UBXN4: variants seen among roughly 807,000 people sequenced by gnomAD.
UBXN4 encodes the protein UBX domain protein 4, also known as UBX domain-containing protein 4.
Under a neutral mutation model 66.2 loss-of-function variants are expected in UBXN4, and 35 were observed. That is an observed-to-expected ratio of 0.53 (90% CI 0.40 to 0.70). The LOEUF is 0.70. UBXN4 is among the 30% of genes least tolerant of loss of function. The pLI, the probability that UBXN4 is intolerant of heterozygous loss-of-function variation, is 0.00. For missense variants in UBXN4, 533 were observed against 599.8 expected (o/e 0.89, Z 1.16); for synonymous variants, 203 against 204.5 (o/e 0.99, Z 0.06).
intron 10 of UBXN4, among the ~76,000 whole-genome samples, chr2:135,778,219 C>T (rs2077430081): frequency 6.6e-6 from 1 of 150,638 alleles, no homozygotes; most frequent in Non-Finnish European, 1.5e-5. Flanking sequence ...AAAAATTCCA[C>T]CTCAGTACAG....
In UBXN4 at chr2:135,753,582, A is replaced by G. The variant is rs368138941; in HGVS notation, c.214+15A>G. 1.5e-5 allele frequency: 23 copies of G among 1,528,098 alleles called. No individual in the cohort carries two copies. Among genetic ancestry groups the G allele is most frequent in the Non-Finnish European group, 2.0e-5 (23 of 1,147,596 alleles). The allele number at this position is 1,528,098 out of a possible 1,614,324, so 94.7% of individuals were successfully genotyped here. A position where few individuals can be genotyped will look rare whatever the true frequency, so the allele number is the denominator to read the frequency against. On this transcript the variant is annotated intron_variant, in intron 3 of 12. Coordinates refer to ENST00000272638, the MANE Select transcript of UBXN4 (RefSeq NM_014607.4). Reference sequence around the variant, plus strand: ...TTCACAAATCTGTATCCTTTCAGTAAAGAATGGCTTATATATATACATTTA... The same window carrying G: ...TTCACAAATCTGTATCCTTTCAGTAGAGAATGGCTTATATATATACATTTA...
intron 6 of UBXN4, among the ~76,000 whole-genome samples, chr2:135,765,525 A>G (rs533937009): frequency 2.0e-5 from 3 of 152,212 alleles, no homozygotes; most frequent in Admixed American, 1.3e-4. Context: ...CATTATGTTT[A>G]AAATGGGCAG....
chr2:135,748,962 G>A (rs1282594859), intron 2 of UBXN4, among the ~76,000 whole-genome samples: 4 of 151,986 alleles, frequency 2.6e-5, no homozygotes, highest in African/African-American at 9.7e-5. Flanking sequence ...CTTGAGCCCA[G>A]GAGGTTGAAG....
At chr2:135,750,514 T>A (rs905762014) in intron 2 of UBXN4, among the ~76,000 whole-genome samples, 1 of 151,728 alleles carries the variant, frequency 6.6e-6, no homozygotes. Flanking sequence ...TCAAAAAAAA[T>A]AAAAATAAAA....
At chr2:135,747,157 C>G (rs1417944513) in intron 1 of UBXN4, among the ~76,000 whole-genome samples, 5 of 149,852 alleles carry the variant, frequency 3.3e-5, no homozygotes, top group African/African-American at 1.2e-4. Context: ...ATTGTCCTGG[C>G]CAACATAGTG....
chr2:135,743,963 G>A (rs192505976), intron 1 of UBXN4, among the ~76,000 whole-genome samples: 1 of 152,270 alleles, frequency 6.6e-6, no homozygotes, highest in East Asian at 1.9e-4. Flanking sequence ...AAGACTGTTA[G>A]CAATCTCACA....
intron 12 of UBXN4, 34 bp from the exon 13 acceptor site, chr2:135,782,715 A>T (rs1272522333): frequency 1.2e-6 from 2 of 1,600,652 alleles, no homozygotes; most frequent in Admixed American, 3.6e-5. Context: ...TTATTTTATG[A>T]CATCTTCCCC....
rs1359146760 is a variant in UBXN4 at position 135,779,128 on chromosome 2, A to G, written c.1185+49A>G. The G allele has an allele frequency of 5.9e-6, 9 of 1,521,456 alleles. No individual in the cohort carries two copies. The African/African-American group carries it at 1.3e-4, about 21-fold the overall frequency. 94.2% of individuals were successfully genotyped at this position (1,521,456 alleles called of 1,614,324 possible). On this transcript the variant is annotated intron_variant, in intron 11 of 12. Coordinates refer to ENST00000272638, the MANE Select transcript of UBXN4 (RefSeq NM_014607.4). ...TTTCTCTTCTTATTGTTTTCTGTTTATCATACTCTTCATTTCTTATAATTA... is the reference window on the plus strand; with the variant it reads ...TTTCTCTTCTTATTGTTTTCTGTTTGTCATACTCTTCATTTCTTATAATTA...
At chr2:135,782,454 G>C (rs1393654189) in intron 12 of UBXN4, among the ~76,000 whole-genome samples, 1 of 152,182 alleles carries the variant, frequency 6.6e-6, no homozygotes, top group African/African-American at 2.4e-5. Flanking sequence ...AGATTAGTTG[G>C]CAAATGGTCA....
In UBXN4 at chr2:135,761,889, G is replaced by C. The variant is rs747540600; in HGVS notation, c.580G>C (p.Asp194His). ...SGCSDQRPAE[D>H]LNIRVERLTK... ...ATGCTCAGATCAGAGACCTGCAGAG[G>C]ACCTCAACATCCGAGTGGAAAGGTT... The change falls in exon 6 of 13, where the codon GAC becomes CAC. Residue 194 changes from aspartate (D) to histidine (H), a missense_variant. Physicochemically the swap from Asp to His is moderately conservative, Grantham distance 81. This residue lies in a region of UBXN4 where 529 missense variants were observed against 580.1 expected (regional missense o/e 0.91). Transcript: ENST00000272638. 6.2e-7 allele frequency: 1 copy of C among 1,613,414 alleles called. No homozygotes were observed. Among genetic ancestry groups the C allele is most frequent in the Non-Finnish European group, 8.5e-7 (1 of 1,179,800 alleles).
intron 11 of UBXN4, 34 bp downstream of exon 11, chr2:135,779,113 T>A: frequency 6.5e-7 from 1 of 1,544,602 alleles, no homozygotes; most frequent in Non-Finnish European, 8.7e-7. Context: ...TTTCTCTTCT[T>A]ATTGTTTTCT....
At chr2:135,757,545 C>G (rs917895200) in intron 5 of UBXN4, among the ~76,000 whole-genome samples, 1 of 152,164 alleles carries the variant, frequency 6.6e-6, no homozygotes, top group African/African-American at 2.4e-5. Flanking sequence ...TGAGGATTGG[C>G]TTGTGTTGAT....
chr2:135,757,887 C>T (rs774878939), intron 5 of UBXN4, among the ~76,000 whole-genome samples: 49 of 151,600 alleles, frequency 3.2e-4, no homozygotes, highest in African/African-American at 9.0e-4. Context: ...GTTTGAGACC[C>T]GCCTGGACAA....
In UBXN4 at chr2:135,755,740, A is replaced by G. The variant is rs374997358; in HGVS notation, c.508+49A>G. On this transcript the variant is annotated intron_variant, in intron 5 of 12. Transcript: ENST00000272638. ...AGTGCAATAGAAGCTCCTTCACTAC[A>G]TTTTAATATTTAAATATTAATATTT... 5 of 1,153,240 alleles carry G rather than the reference A, an allele frequency of 4.3e-6. No homozygotes were observed. The African/African-American group carries it at 8.0e-5, about 18-fold the overall frequency. 71.4% of individuals were successfully genotyped at this position (1,153,240 alleles called of 1,614,324 possible).
At position 135,742,020 on chromosome 2, in the gene UBXN4, G is replaced by C. The variant is rs368367189; in HGVS notation, c.82+9G>C. On this transcript the variant is annotated intron_variant, in intron 1 of 12. Coordinates refer to ENST00000272638, the MANE Select transcript of UBXN4 (RefSeq NM_014607.4). ...CGTGGTGTTCGTGGCAGGTGAAGGAGGCAGGGGTTCGAGAGGCGGCCGGGA... is the reference window on the plus strand; with the variant it reads ...CGTGGTGTTCGTGGCAGGTGAAGGACGCAGGGGTTCGAGAGGCGGCCGGGA... 7 of 1,612,530 alleles carry C rather than the reference G, an allele frequency of 4.3e-6. No homozygotes were observed. The highest frequency in any genetic ancestry group is 1.3e-5 in the African/African-American group (1 of 74,832).
rs901480955 is a variant in UBXN4, at chr2:135,746,580, A to T, written c.83-1687A>T. On this transcript the variant is annotated intron_variant, in intron 1 of 12. Coordinates refer to ENST00000272638, the MANE Select transcript of UBXN4 (RefSeq NM_014607.4). ...ATATTAAAGTGGGTGATTAAGTATCAGCTTTATTGAGCTGATATTTGAGCA... is the reference window on the plus strand; with the variant it reads ...ATATTAAAGTGGGTGATTAAGTATCTGCTTTATTGAGCTGATATTTGAGCA... Among the ~76,000 whole-genome samples, 3 of 152,220 alleles carry T rather than the reference A, an allele frequency of 2.0e-5. No homozygotes were observed. The East Asian group carries it at 5.8e-4, about 29-fold the overall frequency.
At position 135,771,241 on chromosome 2, in the gene UBXN4, C is replaced by CT. The variant is rs556152196; in HGVS notation, c.822+507dup. 6.7e-4 allele frequency among the ~76,000 whole-genome samples: 102 copies of CT among 152,288 alleles called. 1 individual carries two copies. The highest frequency in any genetic ancestry group is 2.3e-3 in the African/African-American group (97 of 41,564). The stretch of plus-strand genomic sequence containing the variant: ...CCTGTAATCCCAGCACTTTGGGAGG[C>CT]TAAGGAGGGCGGATCACCTCAGGTC... On this transcript the variant is annotated intron_variant, in intron 8 of 12. Coordinates refer to ENST00000272638, the MANE Select transcript of UBXN4 (RefSeq NM_014607.4).
intron 2 of UBXN4, among the ~76,000 whole-genome samples, chr2:135,749,988 A>G (rs1326026112): frequency 6.6e-6 from 1 of 152,144 alleles, no homozygotes; most frequent in African/African-American, 2.4e-5. Context: ...TTCTGTATTG[A>G]TAGGTAGATT....
intron 11 of UBXN4, among the ~76,000 whole-genome samples, chr2:135,779,586 A>G (rs1394805429): frequency 1.3e-5 from 2 of 152,070 alleles, no homozygotes; most frequent in African/African-American, 4.8e-5. Flanking sequence ...TCCTTGCTCT[A>G]TACTAGACGT....
Sources: gnomAD v4.1 joint callset for allele counts (sites outside exome capture counted in the v4.1 genomes callset) on GRCh38, gnomAD v4.1.1 for gene constraint, gnomAD v4.1.1 regional missense constraint, MANE v1.5 for transcripts, NCBI Gene and HGNC (gene_info 2026-07-23, HGNC 2026-07-21) for gene names.